The following SLC11A2 variants were observed in gnomAD, a reference collection of about 807,000 sequenced individuals.
SLC11A2 encodes the protein natural resistance-associated macrophage protein 2.
A neutral mutation model predicts 68.0 loss-of-function variants in SLC11A2; 38 were observed. The observed-to-expected ratio is 0.56, with a 90% CI of 0.43 to 0.73. The LOEUF (loss-of-function observed/expected upper bound fraction) is 0.73, where lower values mean the gene tolerates loss of function less well. SLC11A2 is among the 30% of genes least tolerant of loss of function. SLC11A2 has a pLI of 0.00. For synonymous variants in SLC11A2, 242 were observed against 250.6 expected (o/e 0.97, Z 0.32); for missense variants, 517 against 690.5 (o/e 0.75, Z 2.82).
At position 50,989,107 on chromosome 12, in the gene SLC11A2, T is replaced by C. The variant is rs565326467; in HGVS notation, c.1576-672A>G. Among the ~76,000 whole-genome samples the C allele has an allele frequency of 1.3e-4, 20 of 152,238 alleles. No individual in the cohort carries two copies. In the South Asian group the frequency reaches 2.3e-3, roughly 17 times the overall value. On this transcript the variant is annotated intron_variant, in intron 15 of 15. Coordinates refer to ENST00000262052, the MANE Select transcript of SLC11A2 (RefSeq NM_000617.3). ...AAGAATGACTAACAGACTAATACAATTGGTGTAGTCTCCTAAGCTGCTCTA... is the reference window on the plus strand; with the variant it reads ...AAGAATGACTAACAGACTAATACAACTGGTGTAGTCTCCTAAGCTGCTCTA...
At chr12:51,003,949 G>GA (rs1394830289) in intron 5 of SLC11A2, among the ~76,000 whole-genome samples, 1 of 151,644 alleles carries the variant, frequency 6.6e-6, no homozygotes, top group African/African-American at 2.4e-5. Context: ...CAAAAAATAA[G>GA]AAGAAAGAAA....
downstream of SLC11A2, among the ~76,000 whole-genome samples, chr12:50,984,459 T>C (rs914857527): frequency 6.6e-6 from 1 of 152,222 alleles, no homozygotes; most frequent in African/African-American, 2.4e-5. Flanking sequence ...GGTAGACTTC[T>C]TCAATACGTA....
downstream of SLC11A2, among the ~76,000 whole-genome samples, chr12:50,978,830 G>A (rs2136114989): frequency 6.6e-6 from 1 of 152,206 alleles, no homozygotes; most frequent in Middle Eastern, 3.4e-3. Flanking sequence ...ATGTTGTAAT[G>A]TCTGAAATTG....
At chr12:51,001,585 C>CAAAAAA in intron 5 of SLC11A2, among the ~76,000 whole-genome samples, 1 of 109,164 alleles carries the variant, frequency 9.2e-6, no homozygotes, top group Non-Finnish European at 2.0e-5. Context: ...CTTGCTTTCA[C>CAAAAAA]AAAAAAAAAA....
intron 14 of SLC11A2, 57 bp downstream of exon 14, chr12:50,991,542 A>G: frequency 7.2e-7 from 1 of 1,380,026 alleles, no homozygotes; most frequent in Non-Finnish European, 1.0e-6. Flanking sequence ...CTACTGCATG[A>G]AGATACCCTT....
At chr12:51,005,498 T>C in intron 3 of SLC11A2, 62 bp from the exon 4 acceptor site, 2 of 1,606,096 alleles carry the variant, frequency 1.2e-6, no homozygotes, top group Non-Finnish European at 1.7e-6. Context: ...ATATAATTGG[T>C]CTGTTATCAC....
intron 5 of SLC11A2, among the ~76,000 whole-genome samples, chr12:51,003,994 G>A (rs1251647838): frequency 6.6e-6 from 1 of 151,856 alleles, no homozygotes; most frequent in African/African-American, 2.4e-5. Flanking sequence ...AATTACCAAG[G>A]TTTTGTTTGT....
chr12:50,999,046 C>G (rs1941977968), intron 8 of SLC11A2, 128 bp downstream of exon 8: 2 of 810,008 alleles, frequency 2.5e-6, no homozygotes, highest in Admixed American at 5.3e-5. Context: ...GAAAAATTGG[C>G]TTTTTGTTGA....
the SLC11A2 span, among the ~76,000 whole-genome samples, chr12:50,965,598 T>C: frequency 6.6e-6 from 1 of 152,140 alleles, no homozygotes; most frequent in African/African-American, 2.4e-5. Flanking sequence ...GGCTTGACTA[T>C]GAAACAGACC....
At chr12:50,971,598 C>T in the SLC11A2 span, among the ~76,000 whole-genome samples, 2,835 of 152,248 alleles carry the variant, frequency 0.019, 77 homozygotes, top group African/African-American at 0.064. Context: ...CCTTGGACTC[C>T]GCTCTAACTG....
downstream of SLC11A2, among the ~76,000 whole-genome samples, chr12:50,977,009 T>C (rs1310582402): frequency 6.6e-6 from 1 of 152,090 alleles, no homozygotes; most frequent in Non-Finnish European, 1.5e-5. Flanking sequence ...TACAAACAAA[T>C]GGAAGAACAT....
At chr12:50,971,023 C>A in the SLC11A2 span, among the ~76,000 whole-genome samples, 77 of 152,150 alleles carry the variant, frequency 5.1e-4, no homozygotes, top group African/African-American at 1.8e-3. Context: ...GGATTACAAG[C>A]ACCCACCACC....
chr12:51,005,749 TA>T (rs1566016425), intron 3 of SLC11A2: 1 of 1,247,582 alleles, frequency 8.0e-7, no homozygotes, highest in Non-Finnish European at 1.1e-6. Context: ...GCCACCATTT[TA>T]AAAAGGAAAC....
intron 3 of SLC11A2, chr12:51,005,942 G>A (rs568961460): frequency 3.1e-6 from 1 of 326,720 alleles, no homozygotes; most frequent in South Asian, 2.7e-5. Context: ...GGAGGGGTCA[G>A]ACAAACCTCA....
intron 1 of SLC11A2, chr12:51,025,679 G>A: frequency 1.2e-6 from 1 of 820,038 alleles, no homozygotes; most frequent in Non-Finnish European, 1.5e-6. Flanking sequence ...TTACATATGT[G>A]CAATATCCCC....
chr12:51,026,441 A>C, upstream of SLC11A2: 1 of 964,176 alleles, frequency 1.0e-6, no homozygotes, highest in Non-Finnish European at 1.4e-6. Context: ...GCACATCCCT[A>C]TTGGCTGGAG....
chr12:51,009,261 G>A, intron 2 of SLC11A2: 2 of 1,304,500 alleles, frequency 1.5e-6, no homozygotes. Flanking sequence ...ACTAAGGCTT[G>A]CAGTAAAGTG....
chr12:50,988,438 G>T lies in SLC11A2; in HGVS notation c.1576-3C>A, dbSNP rs752939339. ...AGTGCAATCAAACATTGCCAACCCT[G>T]AAAGACAAAATATGGTCATCACTCA... On this transcript the variant is annotated splice_polypyrimidine_tract_variant and splice_region_variant and intron_variant, in intron 15 of 15. Transcript: ENST00000262052. 1 of 1,613,900 alleles carries T rather than the reference G, an allele frequency of 6.2e-7. No homozygotes were observed. The highest frequency in any genetic ancestry group is 1.1e-5 in the South Asian group (1 of 91,078).
downstream of SLC11A2, among the ~76,000 whole-genome samples, chr12:50,975,493 G>C (rs1360998485): frequency 6.6e-6 from 1 of 152,208 alleles, no homozygotes; most frequent in East Asian, 1.9e-4. Flanking sequence ...TTAAAGCAGT[G>C]TGTAGAGGGA....
Sources: allele counts gnomAD v4.1 joint callset (sites outside exome capture counted in the v4.1 genomes callset), GRCh38; gene constraint gnomAD v4.1.1; transcripts MANE v1.5; gene names NCBI Gene and HGNC (gene_info 2026-07-23, HGNC 2026-07-21).